MIR2052HG: variants seen among roughly 807,000 people sequenced by gnomAD.
MIR2052HG encodes the protein MIR2052 host gene.
intron 2 of MIR2052HG, among the ~76,000 whole-genome samples, chr8:74,694,761 T>C (rs1296617075): frequency 6.6e-6 from 1 of 152,002 alleles, no homozygotes; most frequent in Non-Finnish European, 1.5e-5. Context: ...TGAAGACAAG[T>C]CTTTTGAATT....
At chr8:74,728,148 A>G (rs1258535824) in intron 4 of MIR2052HG, among the ~76,000 whole-genome samples, 2 of 152,342 alleles carry the variant, frequency 1.3e-5, no homozygotes, top group African/African-American at 2.4e-5. Flanking sequence ...TGGGCAATGT[A>G]ATTACTGTTT....
intron 5 of MIR2052HG, among the ~76,000 whole-genome samples, chr8:74,754,718 C>A (rs1035590918): frequency 1.3e-5 from 2 of 151,562 alleles, no homozygotes; most frequent in African/African-American, 4.9e-5. Context: ...GAAAGTTAGA[C>A]GCAAGGGGAA....
intron 4 of MIR2052HG, among the ~76,000 whole-genome samples, chr8:74,704,168 C>T (rs1313636123): frequency 6.6e-6 from 1 of 151,852 alleles, no homozygotes; most frequent in Non-Finnish European, 1.5e-5. Context: ...TGGGTATCTG[C>T]AATGTGTGGA....
chr8:74,650,599 G>T (rs1210250920), intron 2 of MIR2052HG, among the ~76,000 whole-genome samples: 1 of 152,078 alleles, frequency 6.6e-6, no homozygotes, highest in African/African-American at 2.4e-5. Context: ...GATGAGTATG[G>T]TGTGGTAGGC....
intron 4 of MIR2052HG, among the ~76,000 whole-genome samples, chr8:74,723,661 T>C (rs1235653063): frequency 2.0e-5 from 3 of 152,236 alleles, no homozygotes; most frequent in African/African-American, 7.2e-5. Flanking sequence ...TAATTTTTAG[T>C]TGGCCATCTT....
At chr8:74,746,457 C>A (rs987443041) in intron 4 of MIR2052HG, among the ~76,000 whole-genome samples, 4 of 151,816 alleles carry the variant, frequency 2.6e-5, no homozygotes, top group Admixed American at 6.6e-5. Context: ...GGGACAGACA[C>A]AAATAAGTAA....
At chr8:74,603,481 A>G (rs1463597014) in intron 1 of MIR2052HG, 1 of 1,594,598 alleles carries the variant, frequency 6.3e-7, no homozygotes, top group African/African-American at 1.3e-5. Flanking sequence ...ACGCCCGATT[A>G]TGCAGCCAAT....
chr8:74,735,318 G>A (rs1245291160), intron 4 of MIR2052HG, among the ~76,000 whole-genome samples: 1 of 152,138 alleles, frequency 6.6e-6, no homozygotes, highest in Non-Finnish European at 1.5e-5. Context: ...TGACAAGATG[G>A]AGCCTGCCCC....
intron 2 of MIR2052HG, among the ~76,000 whole-genome samples, chr8:74,623,449 G>A (rs1254996091): frequency 2.0e-5 from 3 of 152,168 alleles, no homozygotes; most frequent in Non-Finnish European, 2.9e-5. Context: ...GGGGAGAAAA[G>A]TAGAAAAGGA....
intron 2 of MIR2052HG, among the ~76,000 whole-genome samples, chr8:74,661,079 A>G (rs1382645578): frequency 6.6e-6 from 1 of 152,236 alleles, no homozygotes; most frequent in African/African-American, 2.4e-5. Flanking sequence ...AATAACTACA[A>G]CTGAAAGAAC....
chr8:74,682,706 C>T (rs1484270223), intron 2 of MIR2052HG, among the ~76,000 whole-genome samples: 1 of 152,032 alleles, frequency 6.6e-6, no homozygotes, highest in African/African-American at 2.4e-5. Context: ...TATGGTGCAA[C>T]CACTAGGAAC....
At chr8:74,741,172 G>A (rs1809824650) in intron 4 of MIR2052HG, among the ~76,000 whole-genome samples, 1 of 152,150 alleles carries the variant, frequency 6.6e-6, no homozygotes, top group African/African-American at 2.4e-5. Flanking sequence ...TTAAAGCCAA[G>A]AGCTTTGGAG....
chr8:74,620,876 T>C (rs4087839), intron 2 of MIR2052HG, among the ~76,000 whole-genome samples: 72,431 of 152,138 alleles, frequency 0.48, 18,353 homozygotes, highest in Middle Eastern at 0.66. Context: ...AAATGAGTTT[T>C]TATTTTCTAT....
At chr8:74,646,684 G>C (rs957234428) in intron 2 of MIR2052HG, among the ~76,000 whole-genome samples, 1 of 152,128 alleles carries the variant, frequency 6.6e-6, no homozygotes, top group Non-Finnish European at 1.5e-5. Context: ...AATACTTAGG[G>C]GAGTCAAAGC....
At chr8:74,601,839 T>G (rs1186106787) in intron 1 of MIR2052HG, among the ~76,000 whole-genome samples, 2 of 152,220 alleles carry the variant, frequency 1.3e-5, no homozygotes, top group African/African-American at 4.8e-5. Context: ...CTCAGGAGCA[T>G]TATTAATCAT....
intron 4 of MIR2052HG, among the ~76,000 whole-genome samples, chr8:74,733,118 A>G (rs577898757): frequency 6.6e-6 from 1 of 151,820 alleles, no homozygotes. Flanking sequence ...TTTAGGGTAC[A>G]TGTGCACAAT....
intron 2 of MIR2052HG, among the ~76,000 whole-genome samples, chr8:74,675,545 A>T (rs1028561206): frequency 2.0e-5 from 3 of 152,006 alleles, no homozygotes; most frequent in Non-Finnish European, 4.4e-5. Flanking sequence ...AAGATACCAC[A>T]GGCACTGTGC....
intron 2 of MIR2052HG, among the ~76,000 whole-genome samples, chr8:74,677,806 C>A (rs536390542): frequency 6.6e-6 from 1 of 151,930 alleles, no homozygotes; most frequent in South Asian, 2.1e-4. Flanking sequence ...GAATAAACCC[C>A]AAAAGAATAA....
At chr8:74,752,184 AGAT>A (rs989624296) in intron 4 of MIR2052HG, among the ~76,000 whole-genome samples, 24 of 150,442 alleles carry the variant, frequency 1.6e-4, no homozygotes, top group African/African-American at 5.9e-4. Context: ...TGAGGGGCTG[AGAT>A]GGGAGGATTT....
Sources: allele counts gnomAD v4.1 joint callset (sites outside exome capture counted in the v4.1 genomes callset), GRCh38; gene constraint gnomAD v4.1.1; transcripts MANE v1.5; gene names NCBI Gene and HGNC (gene_info 2026-07-23, HGNC 2026-07-21).